YLPM1: variants seen among roughly 807,000 people sequenced by gnomAD.
The protein encoded by YLPM1 is YLP motif containing 1, also known as YLP motif-containing protein 1.
YLPM1 carries 99 observed loss-of-function variants against 230.0 expected under a neutral mutation model. That is an observed-to-expected ratio of 0.43 (90% confidence interval 0.37 to 0.51). The LOEUF is 0.51. Among genes scored for constraint, YLPM1 ranks in the 20% least tolerant of loss-of-function variants. The probability of loss-of-function intolerance (pLI) is 0.00; values close to 1 mark genes in which losing one functional copy is unlikely to be tolerated. For missense variants in YLPM1, 2,592 were observed against 2,707.7 expected (o/e 0.96, Z 0.95); for synonymous variants, 984 against 942.5 (o/e 1.04, Z -0.81).
chr14:74,806,393 T>A (rs1208856668), intron 6 of YLPM1, among the ~76,000 whole-genome samples: 1 of 151,520 alleles, frequency 6.6e-6, no homozygotes, highest in Non-Finnish European at 1.5e-5. Flanking sequence ...CAAGACCAGC[T>A]TGGCCAACAT....
In YLPM1 at chr14:74,824,324, T is replaced by A; in HGVS notation, c.6163+17T>A. The A allele has an allele frequency of 6.2e-7, 1 of 1,610,808 alleles. No homozygotes were observed. The highest frequency in any genetic ancestry group is 2.2e-5 in the East Asian group (1 of 44,760). On this transcript the variant is annotated intron_variant, in intron 18 of 20. Coordinates refer to ENST00000325680, the MANE Select transcript of YLPM1 (RefSeq NM_019589.3). ...CAAAGCTAGGTGGGTATTTCCTTTT[T>A]CCTGTTTTTATATGTGATACCTGAT...
chr14:74,790,422 C>T (rs2091194935), intron 4 of YLPM1, among the ~76,000 whole-genome samples: 1 of 151,964 alleles, frequency 6.6e-6, no homozygotes, highest in South Asian at 2.1e-4. Flanking sequence ...TTGTAATTCC[C>T]ATGGTTTGTT....
At chr14:74,775,939 T>G (rs1744595421) in intron 1 of YLPM1, among the ~76,000 whole-genome samples, 1 of 152,204 alleles carries the variant, frequency 6.6e-6, no homozygotes, top group Non-Finnish European at 1.5e-5. Context: ...GTTCCAATGT[T>G]CTCCAACATC....
rs369013302 is a variant in YLPM1 at position 74,780,517 on chromosome 14, A to G, written c.1223A>G (p.Lys408Arg). ...VGFQYQGIMQ[K>R]HTQLQQILQQ... Reference sequence around the variant, plus strand: ...TTCCAGTATCAGGGAATAATGCAGAAGCACACTCAGTTACAGCAGATTCTA... The same window carrying G: ...TTCCAGTATCAGGGAATAATGCAGAGGCACACTCAGTTACAGCAGATTCTA... Residue 408 changes from lysine (K) to arginine (R), a missense_variant, in exon 3 of 21, where the codon AAG (lysine) becomes AGG (arginine). Lys to Arg is a conservative substitution (Grantham distance 26). Coordinates refer to ENST00000325680, the MANE Select transcript of YLPM1 (RefSeq NM_019589.3). The G allele has an allele frequency of 2.5e-6, 4 of 1,613,894 alleles. No homozygotes were observed. Among genetic ancestry groups the G allele is most frequent in the African/African-American group, 1.3e-5 (1 of 74,922 alleles).
chr14:74,777,364 G>A (rs1056617520), intron 1 of YLPM1, among the ~76,000 whole-genome samples: 3 of 151,600 alleles, frequency 2.0e-5, no homozygotes, highest in Non-Finnish European at 4.4e-5. Flanking sequence ...TCAGGAGTTC[G>A]AGACCAGCCT....
chr14:74,782,432 C>G (rs1373047218), intron 4 of YLPM1, 107 bp downstream of exon 4: 13 of 1,259,602 alleles, frequency 1.0e-5, no homozygotes, highest in Non-Finnish European at 1.2e-5. Context: ...TGTTTATACT[C>G]TCTTTGTACT....
At chr14:74,791,069 GCATCTCTACCAAA>G (rs1489617682) in intron 4 of YLPM1, among the ~76,000 whole-genome samples, 2 of 152,016 alleles carry the variant, frequency 1.3e-5, no homozygotes, top group Non-Finnish European at 2.9e-5. Context: ...TGGTGAATCC[GCATCTCTACCAAA>G]AATACAAAAA....
At chr14:74,816,461 T>C in intron 12 of YLPM1, 110 bp from the exon 13 acceptor site, 1 of 1,412,986 alleles carries the variant, frequency 7.1e-7, no homozygotes, top group Non-Finnish European at 9.5e-7. Flanking sequence ...TCTGCTTGAT[T>C]TGAAACCACC....
chr14:74,817,611 T>C lies in YLPM1; in HGVS notation c.5946+334T>C, dbSNP rs555750077. ...ATAATATATGCCCATTGCTAAGTGA[T>C]GTGTGACTGTACTCTAAACCTCATA... On this transcript the variant is annotated intron_variant, in intron 15 of 20. Transcript: ENST00000325680. Among the ~76,000 whole-genome samples the C allele has an allele frequency of 6.6e-5, 10 of 152,354 alleles. No homozygotes were observed. In the South Asian group the frequency reaches 1.7e-3, roughly 25 times the overall value.
chr14:74,768,718 G>A (rs1189602360), intron 1 of YLPM1, among the ~76,000 whole-genome samples: 2 of 152,186 alleles, frequency 1.3e-5, no homozygotes, highest in African/African-American at 4.8e-5. Flanking sequence ...TAATACTGGA[G>A]ATGAAATGGT....
Position 74,778,628 on chromosome 14 carries a change from C to G in YLPM1, c.1055C>G (p.Pro352Arg), listed in dbSNP as rs895987689. ...GAATCTCCTTCTTCTGAGGAGCCCCCATTGCCACCTCCAAATGAGGAAGTG... is the reference window on the plus strand; with the variant it reads ...GAATCTCCTTCTTCTGAGGAGCCCCGATTGCCACCTCCAAATGAGGAAGTG... ...VPESPSSEEP[P>R]LPPPNEEVPP... Residue 352 changes from proline to arginine, a missense_variant, in exon 2 of 21, where the codon CCA becomes CGA. By Grantham distance (103) the Pro-to-Arg change is moderately radical (BLOSUM62 -2). Around this residue, in one of 4 missense-constraint regions of YLPM1, gnomAD observed 1,862 missense variants for 1,819.8 expected, o/e 1.02. Transcript: ENST00000325680. 4.4e-6 allele frequency: 7 copies of G among 1,592,940 alleles called. No individual in the cohort carries two copies. Among genetic ancestry groups the G allele is most frequent in the Non-Finnish European group, 6.0e-6 (7 of 1,170,186 alleles).
rs190199428 is a variant in YLPM1, at chr14:74,807,237, G to T, written c.4522-2143G>T. Among the ~76,000 whole-genome samples the T allele has an allele frequency of 6.6e-5, 10 of 152,094 alleles. No individual in the cohort carries two copies. In the East Asian group the frequency reaches 1.9e-3, roughly 29 times the overall value. On this transcript the variant is annotated intron_variant, in intron 6 of 20. Transcript: ENST00000325680. ...ATAATGTATATTGTGGGCTCTCCAG[G>T]ATCTAAAATAGCGTCAATAAAGAAA...
At position 74,812,692 on chromosome 14, in the gene YLPM1, T is replaced by A. The variant is rs2302834; in HGVS notation, c.5412T>A (p.Pro1804=). The A allele has an allele frequency of 0.69, 1,118,434 of 1,612,720 alleles. 389,195 individuals carry two copies. Among genetic ancestry groups the A allele is most frequent in the Admixed American group, 0.79 (47,140 of 59,886 alleles). ...PLPAPSLSHQ[P]PPAPRVEKKP... ...CAGCTCCTTCACTGAGCCACCAGCCTCCTCCAGCTCCACGAGTCGAGAAGA... is the reference window on the plus strand; with the variant it reads ...CAGCTCCTTCACTGAGCCACCAGCCACCTCCAGCTCCACGAGTCGAGAAGA... Residue 1804 remains proline, a synonymous_variant, in exon 11 of 21, where the codon CCT becomes CCA. Coordinates refer to ENST00000325680, the MANE Select transcript of YLPM1 (RefSeq NM_019589.3).
intron 19 of YLPM1, among the ~76,000 whole-genome samples, chr14:74,832,462 GTTTTTTGT>G (rs1594849613): frequency 6.6e-6 from 1 of 151,844 alleles, no homozygotes; most frequent in East Asian, 1.9e-4. Flanking sequence ...AACTTCATTT[GTTTTTTGT>G]TTTTTTGTTT....
intron 4 of YLPM1, among the ~76,000 whole-genome samples, chr14:74,790,538 T>C (rs1235257648): frequency 1.3e-5 from 2 of 152,198 alleles, no homozygotes; most frequent in Admixed American, 1.3e-4. Context: ...TGGAGTTTTA[T>C]ATCAAATTTT....
At chr14:74,764,957 G>A (rs113053242) in intron 1 of YLPM1, among the ~76,000 whole-genome samples, 275 of 152,150 alleles carry the variant, frequency 1.8e-3, no homozygotes, top group African/African-American at 6.3e-3. Context: ...ACCCTTTTGG[G>A]GATCGATTGG....
chr14:74,807,990 A>T (rs181683992), intron 6 of YLPM1, among the ~76,000 whole-genome samples: 1 of 152,290 alleles, frequency 6.6e-6, no homozygotes, highest in East Asian at 1.9e-4. Flanking sequence ...TTTTTTTAAA[A>T]TTTTGAATTA....
chr14:74,786,506 G>A (rs573238280), intron 4 of YLPM1, among the ~76,000 whole-genome samples: 15 of 151,910 alleles, frequency 9.9e-5, no homozygotes, highest in Middle Eastern at 3.4e-3. Context: ...CCATAGATTA[G>A]TTTTGCCTAT....
intron 11 of YLPM1, among the ~76,000 whole-genome samples, chr14:74,815,133 C>G (rs937541925): frequency 2.0e-5 from 3 of 152,186 alleles, no homozygotes; most frequent in African/African-American, 7.2e-5. Flanking sequence ...CTCCTGGGCT[C>G]AAGTGACCCT....
Sources: allele counts gnomAD v4.1 joint callset (sites outside exome capture counted in the v4.1 genomes callset), GRCh38; gene constraint gnomAD v4.1.1; regional missense constraint gnomAD v4.1.1; transcripts MANE v1.5; gene names NCBI Gene and HGNC (gene_info 2026-07-23, HGNC 2026-07-21).